TPRN: variants seen among roughly 807,000 people sequenced by gnomAD.
TPRN encodes the protein chromosome 9 open reading frame 75.
Under a neutral mutation model 42.6 loss-of-function variants are expected in TPRN, and 32 were observed. The ratio of observed to expected loss-of-function variants is 0.75; its 90% confidence interval spans 0.57 to 1.01. The LOEUF (loss-of-function observed/expected upper bound fraction) is 1.01. TPRN is among the 50% of genes least tolerant of loss of function. The pLI, the probability that TPRN is intolerant of heterozygous loss-of-function variation, is 0.00. For synonymous variants in TPRN, 541 were observed against 445.6 expected, an observed-to-expected ratio of 1.21 and a Z score of -2.70; for missense variants, 1,095 against 957.5, an observed-to-expected ratio of 1.14 and a Z score of -1.90.
In TPRN at chr9:137,200,505, C is replaced by T; in HGVS notation, c.207G>A (p.Arg69=). The change falls in exon 1 of 4, where the codon CGG becomes CGA. Residue 69 remains arginine (R), a synonymous_variant. Coordinates refer to ENST00000409012, the MANE Select transcript of TPRN (RefSeq NM_001128228.3). This position sits in a 1 kb window ranked among gnomAD's most constrained non-coding sequence, Gnocchi z 4.3. The part of the protein sequence containing the change: ...NPFMLLEAER[R]RGGGAAGARL... Reference sequence around the variant, plus strand: ...GCGCCCCCGCCGCGCCCCCGCCGCGCCGCCGCTCGGCCTCCAGCAGCATGA... The same window carrying T: ...GCGCCCCCGCCGCGCCCCCGCCGCGTCGCCGCTCGGCCTCCAGCAGCATGA... The T allele has an allele frequency of 8.7e-7, 1 of 1,154,324 alleles. No individual in the cohort carries two copies. Among genetic ancestry groups the T allele is most frequent in the South Asian group, 2.7e-5 (1 of 36,892 alleles). 71.5% of individuals were successfully genotyped at this position (1,154,324 alleles called of 1,614,324 possible).
chr9:137,195,878 G>A (rs781129227), intron 1 of TPRN, among the ~76,000 whole-genome samples: 1 of 152,184 alleles, frequency 6.6e-6, no homozygotes, highest in African/African-American at 2.4e-5. Flanking sequence ...CAGCCCGGGC[G>A]TGGCTGCAGC....
rs1012117933 is a variant in TPRN at position 137,200,447 on chromosome 9, C to T, written c.265G>A (p.Val89Met). 1.3e-5 allele frequency: 15 copies of T among 1,121,650 alleles called. No homozygotes were observed. Among genetic ancestry groups the T allele is most frequent in the South Asian group, 5.2e-5 (2 of 38,382 alleles). The allele number at this position is 1,121,650 out of a possible 1,614,324, so 69.5% of individuals were successfully genotyped here. Reference sequence around the variant, plus strand: ...ACGCTGTCGGCGCGGAGGGCGCGCACGCCAGGCACGCGGCGGTACCGCTCC... The same window carrying T: ...ACGCTGTCGGCGCGGAGGGCGCGCATGCCAGGCACGCGGCGGTACCGCTCC... ...LLERYRRVPGVRALRADSVLI... is the reference protein window; with the variant it reads ...LLERYRRVPGMRALRADSVLI... The change falls in exon 1 of 4, where the codon GTG becomes ATG. Residue 89 changes from valine (V) to methionine (M), a missense_variant. Val to Met is a conservative substitution (Grantham distance 21). Coordinates refer to ENST00000409012, the MANE Select transcript of TPRN (RefSeq NM_001128228.3). This position sits in a 1 kb window ranked among gnomAD's most constrained non-coding sequence, Gnocchi z 4.3.
At position 137,192,132 on chromosome 9, in the gene TPRN, C is replaced by T. The variant is rs367772681; in HGVS notation, c.2116G>A (p.Glu706Lys). The T allele has an allele frequency of 1.6e-5, 26 of 1,613,388 alleles. No homozygotes were observed. The highest frequency in any genetic ancestry group is 1.9e-5 in the Non-Finnish European group (23 of 1,180,014). ...SQNDLSDFRSEPALYF is the reference protein window; with the variant it reads ...SQNDLSDFRSKPALYF ...TGGGCTCAGAAATACAGGGCTGGCT[C>T]GCTGCGGAAGTCCGAGAGGTCATTC... Residue 706 changes from glutamate to lysine, a missense_variant, in exon 4 of 4, where the codon GAG becomes AAG. Physicochemically the swap from Glu to Lys is moderately conservative, Grantham distance 56. Coordinates refer to ENST00000409012, the MANE Select transcript of TPRN (RefSeq NM_001128228.3).
Position 137,192,654 on chromosome 9 carries a change from G to A in TPRN, c.1763C>T (p.Thr588Ile). 1 of 1,613,888 alleles carries A rather than the reference G, an allele frequency of 6.2e-7. No individual in the cohort carries two copies. Among genetic ancestry groups the A allele is most frequent in the East Asian group, 2.2e-5 (1 of 44,888 alleles). Residue 588 changes from threonine (T) to isoleucine (I), a missense_variant, in exon 2 of 4, where the codon ACA becomes ATA. Physicochemically the swap from Thr to Ile is moderately conservative, Grantham distance 89. Transcript: ENST00000409012. Reference sequence around the variant, plus strand: ...GGAGCTCTCGGAAGGGTACTCAAATGTGGTCTGCAGGCTTTTGTCGTTGAA... The same window carrying A: ...GGAGCTCTCGGAAGGGTACTCAAATATGGTCTGCAGGCTTTTGTCGTTGAA... ...ISFNDKSLQT[T>I]FEYPSESSLE...
intron 1 of TPRN, among the ~76,000 whole-genome samples, chr9:137,197,557 A>AC (rs1424264761): frequency 1.3e-5 from 2 of 151,944 alleles, no homozygotes; most frequent in Non-Finnish European, 2.9e-5. Flanking sequence ...AAGCCCCATG[A>AC]CCCCGTCTGA....
intron 1 of TPRN, among the ~76,000 whole-genome samples, chr9:137,197,082 C>T (rs1437379253): frequency 6.6e-6 from 1 of 152,186 alleles, no homozygotes; most frequent in East Asian, 1.9e-4. Context: ...CAAATGACCC[C>T]CACAGTTCTG....
In TPRN at chr9:137,192,708, C is replaced by A; in HGVS notation, c.1726-17G>T. 6.2e-7 allele frequency: 1 copy of A among 1,613,018 alleles called. No homozygotes were observed. Among genetic ancestry groups the A allele is most frequent in the Middle Eastern group, 1.6e-4 (1 of 6,062 alleles). On this transcript the variant is annotated splice_polypyrimidine_tract_variant and intron_variant, in intron 1 of 3. Coordinates refer to ENST00000409012, the MANE Select transcript of TPRN (RefSeq NM_001128228.3). ...GATCTTCATCTGGGAGTGAGAGTCA[C>A]GTGAACGAGGGCTGAGGGCCCACAT...
At chr9:137,198,081 G>A (rs1834731760) in intron 1 of TPRN, among the ~76,000 whole-genome samples, 1 of 152,136 alleles carries the variant, frequency 6.6e-6, no homozygotes, top group Non-Finnish European at 1.5e-5. Context: ...CCTCAGGGGT[G>A]AGCCTAGCCA....
intron 1 of TPRN, among the ~76,000 whole-genome samples, chr9:137,197,760 G>C (rs1834726785): frequency 6.6e-6 from 1 of 152,204 alleles, no homozygotes; most frequent in South Asian, 2.1e-4. Context: ...TGATGGGCTG[G>C]GGTGATGCTC....
Position 137,197,172 on chromosome 9 carries a change from C to T in TPRN, c.1725+1815G>A, listed in dbSNP as rs549076580. On this transcript the variant is annotated intron_variant, in intron 1 of 3. Coordinates refer to ENST00000409012, the MANE Select transcript of TPRN (RefSeq NM_001128228.3). ...GGAGTGCAATGGCGCGATCTCGGCTCACTGCAAGCTCCGCCTCCCGGGTTC... is the reference window on the plus strand; with the variant it reads ...GGAGTGCAATGGCGCGATCTCGGCTTACTGCAAGCTCCGCCTCCCGGGTTC... Among the ~76,000 whole-genome samples, 4 of 152,196 alleles carry T rather than the reference C, an allele frequency of 2.6e-5. No homozygotes were observed. In the East Asian group the frequency reaches 7.7e-4, roughly 29 times the overall value.
chr9:137,199,524 C>A lies in TPRN; in HGVS notation c.1188G>T (p.Glu396Asp), dbSNP rs968934199. ...LEVEAQWAVEEGACPRTATAL... is the reference protein window; with the variant it reads ...LEVEAQWAVEDGACPRTATAL... ...CGGTGGCTGTCCTGGGACAGGCCCC[C>A]TCCTCGACTGCCCACTGTGCCTCGA... Residue 396 changes from glutamate (E) to aspartate (D), a missense_variant, in exon 1 of 4, where the codon GAG (glutamate) becomes GAT (aspartate). Glu to Asp is a conservative substitution (Grantham distance 45). Transcript: ENST00000409012. 2 of 1,570,190 alleles carry A rather than the reference C, an allele frequency of 1.3e-6. No homozygotes were observed. Among genetic ancestry groups the A allele is most frequent in the Non-Finnish European group, 1.7e-6 (2 of 1,158,228 alleles).
Position 137,199,194 on chromosome 9 carries a change from C to T in TPRN, c.1518G>A (p.Lys506=). 2 of 1,613,212 alleles carry T rather than the reference C, an allele frequency of 1.2e-6. No homozygotes were observed. The highest frequency in any genetic ancestry group is 1.7e-6 in the Non-Finnish European group (2 of 1,180,008). The change falls in exon 1 of 4, where the codon AAG becomes AAA. Residue 506 remains lysine (K), a synonymous_variant. Transcript: ENST00000409012. ...GGTCCTGCAGAGTCCCTGGCTTCCT[C>T]TTGGGCACCACTGTGAAGGTGTTGC... The part of the protein sequence containing the change: ...RGSNTFTVVP[K]RKPGTLQDQH...
rs1834764187 is a variant in TPRN, at chr9:137,199,568, C to T, written c.1144G>A (p.Gly382Arg). The change falls in exon 1 of 4, where the codon GGG becomes AGG. Residue 382 changes from glycine to arginine, a missense_variant. Coordinates refer to ENST00000409012, the MANE Select transcript of TPRN (RefSeq NM_001128228.3). The part of the protein sequence containing the change: ...VPGGDGAPAL[G>R]KSPLEVEAQW... Reference sequence around the variant, plus strand: ...GCCTCGACCTCCAGGGGGCTCTTCCCGAGGGCAGGCGCACCATCCCCTCCA... The same window carrying T: ...GCCTCGACCTCCAGGGGGCTCTTCCTGAGGGCAGGCGCACCATCCCCTCCA... 1.3e-6 allele frequency: 2 copies of T among 1,556,480 alleles called. No individual in the cohort carries two copies.
chr9:137,199,793 T>C lies in TPRN; in HGVS notation c.919A>G (p.Met307Val). 1.2e-6 allele frequency: 2 copies of C among 1,605,842 alleles called. No individual in the cohort carries two copies. Among genetic ancestry groups the C allele is most frequent in the South Asian group, 2.2e-5 (2 of 89,878 alleles). ...AGGTCCCCCAAGGGGATGGTCTCCA[T>C]AACTGGCTTGGGGGCCGGCCGTATC... ...FEIRPAPKPVMETIPLGDLQA... is the reference protein window; with the variant it reads ...FEIRPAPKPVVETIPLGDLQA... The change falls in exon 1 of 4, where the codon ATG (methionine) becomes GTG (valine). Residue 307 changes from methionine (M) to valine (V), a missense_variant. By Grantham distance (21) the Met-to-Val change is conservative. Transcript: ENST00000409012.
intron 1 of TPRN, among the ~76,000 whole-genome samples, chr9:137,196,075 G>A (rs1454830444): frequency 1.3e-5 from 2 of 152,198 alleles, no homozygotes; most frequent in Non-Finnish European, 2.9e-5. Flanking sequence ...ACCCTGTGCA[G>A]GCACAGCCAG....
Position 137,191,877 on chromosome 9 carries a change from A to G in TPRN, c.*235T>C, listed in dbSNP as rs902430084. ...CCCAGCAGGCCCCTGGCACTCACCC[A>G]CAGGCAGTTCCCCACCCCACTTCCC... On this transcript the variant is annotated 3_prime_UTR_variant, in exon 4 of 4. Transcript: ENST00000409012. 3 of 605,228 alleles carry G rather than the reference A, an allele frequency of 5.0e-6. No homozygotes were observed. The allele number at this position is 605,228 out of a possible 1,614,324, so 37.5% of individuals were successfully genotyped here. A position where few individuals can be genotyped will look rare whatever the true frequency, so the allele number is the denominator to read the frequency against.
chr9:137,197,627 T>C (rs1320650703), intron 1 of TPRN, among the ~76,000 whole-genome samples: 1 of 152,222 alleles, frequency 6.6e-6, no homozygotes, highest in East Asian at 1.9e-4. Flanking sequence ...CTGCCACCTC[T>C]GGGGCAAGCC....
In TPRN at chr9:137,199,993, C is replaced by G. The variant is rs1421725264; in HGVS notation, c.719G>C (p.Gly240Ala). 2 of 1,444,754 alleles carry G rather than the reference C, an allele frequency of 1.4e-6. No homozygotes were observed. The highest frequency in any genetic ancestry group is 2.9e-5 in the South Asian group (2 of 68,862). 89.5% of individuals were successfully genotyped at this position (1,444,754 alleles called of 1,614,324 possible). ...PRAGPANRLA[G>A]SPPGSGQWKP... ...CCACTGTCCCGACCCAGGCGGGGAG[C>G]CCGCGAGGCGGTTGGCAGGGCCGGC... Residue 240 changes from glycine (G) to alanine (A), a missense_variant, in exon 1 of 4, where the codon GGC (glycine) becomes GCC (alanine). Transcript: ENST00000409012.
Position 137,199,802 on chromosome 9 carries a change from T to A in TPRN, c.910A>T (p.Lys304Ter). ...NDSFEIRPAP[K>*]PVMETIPLGD... ...AAGGGGATGGTCTCCATAACTGGCT[T>A]GGGGGCCGGCCGTATCTCGAAGGAG... Residue 304 changes from lysine (K) to a stop codon, truncating the protein, a stop_gained, in exon 1 of 4, where the codon AAG becomes TAG. Transcript: ENST00000409012. LOFTEE classifies it high-confidence loss of function. 6.3e-7 allele frequency: 1 copy of A among 1,599,006 alleles called. No homozygotes were observed. Among genetic ancestry groups the A allele is most frequent in the Non-Finnish European group, 8.5e-7 (1 of 1,173,872 alleles).
Sources: gnomAD v4.1 joint callset for allele counts (sites outside exome capture counted in the v4.1 genomes callset) on GRCh38, gnomAD v4.1.1 for gene constraint, Gnocchi (gnomAD v3.1) non-coding constraint, MANE v1.5 for transcripts, NCBI Gene and HGNC (gene_info 2026-07-23, HGNC 2026-07-21) for gene names.